MAPK9: variants seen among roughly 807,000 people sequenced by gnomAD.
MAPK9 encodes Jun kinase.
MAPK9 carries 30 observed loss-of-function variants against 57.1 expected under a neutral mutation model. That is an observed-to-expected ratio of 0.53 (90% CI 0.39 to 0.71). The LOEUF is 0.71. Ranked by LOEUF, MAPK9 falls within the 30% of genes least tolerant of loss-of-function variation. MAPK9 has a pLI of 0.00. For missense variants in MAPK9, 362 were observed against 521.0 expected, an observed-to-expected ratio of 0.69 and a Z score of 2.97; for synonymous variants, 155 against 177.0, an observed-to-expected ratio of 0.88 and a Z score of 0.99.
At chr5:180,262,696 C>G (rs1760109495) in intron 4 of MAPK9, among the ~76,000 whole-genome samples, 1 of 152,150 alleles carries the variant, frequency 6.6e-6, no homozygotes, top group African/African-American at 2.4e-5. Context: ...TCGGGCCTTC[C>G]AAAGTGTTGG....
intron 5 of MAPK9, among the ~76,000 whole-genome samples, chr5:180,254,428 A>G (rs1407751386): frequency 6.6e-6 from 1 of 152,246 alleles, no homozygotes; most frequent in East Asian, 1.9e-4. Context: ...AGATGATAGT[A>G]TATACATGCA....
At chr5:180,242,511 GA>G in intron 8 of MAPK9, 61 bp downstream of exon 8, 2 of 1,451,852 alleles carry the variant, frequency 1.4e-6, no homozygotes, top group Non-Finnish European at 1.9e-6. Flanking sequence ...ATACAAACAT[GA>G]AAGAGTGAAA....
intron 6 of MAPK9, among the ~76,000 whole-genome samples, chr5:180,248,554 C>CA (rs1489893582): frequency 1.3e-5 from 2 of 151,968 alleles, no homozygotes; most frequent in Non-Finnish European, 2.9e-5. Context: ...ACATCAAATT[C>CA]AAAAAAACAA....
intron 1 of MAPK9, among the ~76,000 whole-genome samples, chr5:180,286,622 T>C (rs1028473370): frequency 1.3e-5 from 2 of 150,302 alleles, no homozygotes; most frequent in East Asian, 2.2e-4. Context: ...CATAGGACCC[T>C]GCAAGGATCT....
chr5:180,271,633 G>T (rs1761328935), intron 2 of MAPK9, among the ~76,000 whole-genome samples: 3 of 152,000 alleles, frequency 2.0e-5, no homozygotes, highest in Admixed American at 6.5e-5. Context: ...TCTTCTTTAG[G>T]ATGTTTCTAG....
intron 6 of MAPK9, chr5:180,248,039 T>C: frequency 1.1e-6 from 1 of 927,824 alleles, no homozygotes; most frequent in Non-Finnish European, 1.6e-6. Context: ...GGAGCCTCTG[T>C]GCGTTGTTGA....
rs747877213 is a variant in MAPK9 at position 180,264,814 on chromosome 5, G to A, written c.278C>T (p.Thr93Ile). 7 of 1,563,182 alleles carry A rather than the reference G, an allele frequency of 4.5e-6. No homozygotes were observed. The highest frequency in any genetic ancestry group is 6.1e-6 in the Non-Finnish European group (7 of 1,151,044). ...AAATTCTTCTAGAGTTTTTTGTGGTGTAAACACATTTAACAAACTAATTAT... is the reference window on the plus strand; with the variant it reads ...AAATTCTTCTAGAGTTTTTTGTGGTATAAACACATTTAACAAACTAATTAT... Reference protein sequence around the residue: ...KNIISLLNVFTPQKTLEEFQD... With the variant: ...KNIISLLNVFIPQKTLEEFQD... Residue 93 changes from threonine to isoleucine, a missense_variant, in exon 4 of 12, where the codon ACA becomes ATA. By Grantham distance (89) the Thr-to-Ile change is moderately conservative. Coordinates refer to ENST00000452135, the MANE Select transcript of MAPK9 (RefSeq NM_002752.5).
intron 1 of MAPK9, among the ~76,000 whole-genome samples, chr5:180,289,830 C>A (rs1215930383): frequency 6.6e-6 from 1 of 152,210 alleles, no homozygotes; most frequent in African/African-American, 2.4e-5. Context: ...CTATTGCCAA[C>A]ATTTAAAAAT....
At chr5:180,272,927 T>A (rs1030236062) in intron 2 of MAPK9, among the ~76,000 whole-genome samples, 1 of 152,230 alleles carries the variant, frequency 6.6e-6, no homozygotes, top group East Asian at 1.9e-4. Flanking sequence ...TTCTACAAAT[T>A]TGTACAGCTG....
At chr5:180,260,665 G>T (rs1160921535) in intron 5 of MAPK9, among the ~76,000 whole-genome samples, 2 of 152,160 alleles carry the variant, frequency 1.3e-5, no homozygotes, top group Non-Finnish European at 2.9e-5. Context: ...TTGTCTGTAT[G>T]TCTAAATGTT....
intron 6 of MAPK9, chr5:180,248,047 T>C: frequency 2.5e-6 from 2 of 804,736 alleles, no homozygotes; most frequent in Admixed American, 2.6e-5. Context: ...TGTGCGTTGT[T>C]GATACCACAC....
chr5:180,238,608 C>CTTTTTTTTTTTTTTTTTTT (rs746336177), intron 10 of MAPK9, among the ~76,000 whole-genome samples: 3 of 85,166 alleles, frequency 3.5e-5, no homozygotes, highest in Non-Finnish European at 6.9e-5. Context: ...TCTTCTTCTT[C>CTTTTTTTTTTTTTTTTTTT]TTTTTTTTTT....
chr5:180,255,088 C>T (rs1484185057), intron 5 of MAPK9, among the ~76,000 whole-genome samples: 1 of 152,162 alleles, frequency 6.6e-6, no homozygotes, highest in Non-Finnish European at 1.5e-5. Flanking sequence ...TGCCTTGCTA[C>T]CACAGGCACT....
At position 180,261,786 on chromosome 5, in the gene MAPK9, A is replaced by G; in HGVS notation, c.348T>C (p.Cys116=). ...LVMELMDANL[C]QVIHMELDHE... is the part of the protein sequence containing the mutation. ...GATCCAGCTCCATGTGAATAACCTG[A>G]CATAAGTTAGCATCCATTAATTCCA... Residue 116 remains cysteine, a synonymous_variant, in exon 5 of 12, where the codon TGT becomes TGC. Transcript: ENST00000452135. The G allele has an allele frequency of 6.2e-7, 1 of 1,613,058 alleles. No individual in the cohort carries two copies. The highest frequency in any genetic ancestry group is 2.2e-5 in the East Asian group (1 of 44,784).
chr5:180,268,805 C>T (rs1328328166), intron 3 of MAPK9, among the ~76,000 whole-genome samples: 3 of 146,166 alleles, frequency 2.1e-5, no homozygotes, highest in African/African-American at 5.1e-5. Context: ...CCAGCCTGGG[C>T]GACAGAGCGA....
intron 2 of MAPK9, among the ~76,000 whole-genome samples, chr5:180,276,722 C>G (rs866071890): frequency 6.6e-6 from 1 of 152,052 alleles, no homozygotes; most frequent in African/African-American, 2.4e-5. Context: ...GGCGTGGTGG[C>G]GCACACCTGT....
chr5:180,258,541 CAT>C (rs1759543760), intron 5 of MAPK9, among the ~76,000 whole-genome samples: 1 of 152,130 alleles, frequency 6.6e-6, no homozygotes, highest in Non-Finnish European at 1.5e-5. Context: ...TCAAAGAACA[CAT>C]ATTGGAGAGA....
chr5:180,241,851 G>A (rs1365053565), intron 8 of MAPK9, among the ~76,000 whole-genome samples: 3 of 152,206 alleles, frequency 2.0e-5, no homozygotes, highest in African/African-American at 7.2e-5. Context: ...GCACGGGGGA[G>A]TATTTTTCTC....
intron 5 of MAPK9, chr5:180,253,692 A>C (rs1758948140): frequency 6.6e-6 from 1 of 152,294 alleles, no homozygotes; most frequent in Non-Finnish European, 1.5e-5. Context: ...GGGTACCAAC[A>C]GGGAAGGCAC....
Sources: allele counts gnomAD v4.1 joint callset (sites outside exome capture counted in the v4.1 genomes callset), GRCh38; gene constraint gnomAD v4.1.1; transcripts MANE v1.5; gene names NCBI Gene and HGNC (gene_info 2026-07-23, HGNC 2026-07-21).